Variants in ZNF487 observed in about 807,000 individuals in gnomAD.
ZNF487 encodes KRAB domain only 1.
ZNF487 carries 4 observed loss-of-function variants against 3.0 expected under a neutral mutation model. The observed-to-expected ratio is 1.35, with a 90% confidence interval of 0.66 to 3.08. The LOEUF is 3.08. Among genes scored for constraint, ZNF487 ranks in the 30% most tolerant of loss-of-function variants. The pLI is 0.01. For missense variants in ZNF487, 146 were observed against 98.7 expected (o/e 1.48, Z -2.03); for synonymous variants, 55 against 34.6 (o/e 1.59, Z -2.06).
chr10:43,495,503 C>T, the ZNF487 span, among the ~76,000 whole-genome samples: 17 of 152,218 alleles, frequency 1.1e-4, no homozygotes, highest in African/African-American at 3.1e-4. Context: ...CTGGGGCTCT[C>T]AATGTGTTGG....
At chr10:43,440,640 A>AGAGT (rs1015462325) in intron 1 of ZNF487, among the ~76,000 whole-genome samples, 3 of 151,652 alleles carry the variant, frequency 2.0e-5, no homozygotes, top group Admixed American at 6.6e-5. Flanking sequence ...CCTGGGCAAC[A>AGAGT]GAGTGAGACT....
At chr10:43,472,516 C>T (rs982116862) in intron 1 of ZNF487, among the ~76,000 whole-genome samples, 1 of 152,136 alleles carries the variant, frequency 6.6e-6, no homozygotes, top group Non-Finnish European at 1.5e-5. Flanking sequence ...AGCAGTCTTG[C>T]TGCTGCTCAG....
intron 1 of ZNF487, among the ~76,000 whole-genome samples, chr10:43,443,922 G>T (rs1839711768): frequency 6.8e-6 from 1 of 147,646 alleles, no homozygotes; most frequent in South Asian, 2.1e-4. Flanking sequence ...GCGTGATCTT[G>T]GCTCACTGCA....
intron 1 of ZNF487, among the ~76,000 whole-genome samples, chr10:43,456,098 G>A (rs1333999284): frequency 1.3e-5 from 2 of 152,222 alleles, no homozygotes; most frequent in African/African-American, 4.8e-5. Context: ...ACTTCATAAT[G>A]GAGGGCTGCG....
chr10:43,439,589 A>G (rs9422365), intron 1 of ZNF487, among the ~76,000 whole-genome samples: 135,753 of 152,002 alleles, frequency 0.89, 60,678 homozygotes, highest in East Asian at 1. Flanking sequence ...TGTAATCCCA[A>G]CTACTCAGGA....
At chr10:43,467,308 G>T (rs1016073138) in intron 1 of ZNF487, among the ~76,000 whole-genome samples, 1 of 151,958 alleles carries the variant, frequency 6.6e-6, no homozygotes, top group African/African-American at 2.4e-5. Flanking sequence ...GGGTTCAAGT[G>T]ATTCTTCTGC....
chr10:43,469,533 G>A (rs1057450980), intron 1 of ZNF487, among the ~76,000 whole-genome samples: 1 of 151,760 alleles, frequency 6.6e-6, no homozygotes, highest in Non-Finnish European at 1.5e-5. Context: ...TAAGAGACAG[G>A]GTCCCTTATG....
chr10:43,485,022 G>T (rs981734784), downstream of ZNF487, among the ~76,000 whole-genome samples: 11 of 152,170 alleles, frequency 7.2e-5, no homozygotes, highest in African/African-American at 2.7e-4. Flanking sequence ...TTGTTCAAAT[G>T]GTCTCTTCTG....
chr10:43,516,619 A>T, the ZNF487 span, among the ~76,000 whole-genome samples: 1 of 152,312 alleles, frequency 6.6e-6, no homozygotes, highest in East Asian at 1.9e-4. Flanking sequence ...CTGATGTTTG[A>T]GGGCAGGAAG....
At chr10:43,451,465 G>A (rs1476486953) in intron 1 of ZNF487, among the ~76,000 whole-genome samples, 1 of 151,052 alleles carries the variant, frequency 6.6e-6, no homozygotes, top group Non-Finnish European at 1.5e-5. Context: ...GGCTGGTCTC[G>A]AAGTCCTGAT....
At chr10:43,451,889 A>G (rs537051288) in intron 1 of ZNF487, 1 of 152,372 alleles carries the variant, frequency 6.6e-6, no homozygotes, top group East Asian at 1.9e-4. Flanking sequence ...TTATGGGAGC[A>G]CTTGCAAAGC....
At chr10:43,476,634 G>A (rs1841110456) in intron 3 of ZNF487, among the ~76,000 whole-genome samples, 1 of 152,182 alleles carries the variant, frequency 6.6e-6, no homozygotes, top group South Asian at 2.1e-4. Context: ...GATGTAGTGT[G>A]TGCTTTATGC....
At chr10:43,511,770 C>T in the ZNF487 span, among the ~76,000 whole-genome samples, 1 of 152,172 alleles carries the variant, frequency 6.6e-6, no homozygotes, top group African/African-American at 2.4e-5. Flanking sequence ...TGAGTGCTGT[C>T]CACGGAACGG....
At chr10:43,466,485 C>G (rs567083882) in intron 1 of ZNF487, among the ~76,000 whole-genome samples, 1 of 151,424 alleles carries the variant, frequency 6.6e-6, no homozygotes, top group South Asian at 2.1e-4. Flanking sequence ...TCACTGCAAC[C>G]TCCGCCTCCT....
chr10:43,493,883 A>G, the ZNF487 span, among the ~76,000 whole-genome samples: 2 of 150,866 alleles, frequency 1.3e-5, no homozygotes, highest in African/African-American at 4.9e-5. Context: ...AAGCTAAAAT[A>G]GGCCAGGCGC....
chr10:43,505,064 A>G, the ZNF487 span, among the ~76,000 whole-genome samples: 1 of 151,990 alleles, frequency 6.6e-6, no homozygotes, highest in African/African-American at 2.4e-5. Context: ...GCTGGAGTGC[A>G]GTGGCTATTC....
the ZNF487 span, among the ~76,000 whole-genome samples, chr10:43,516,854 G>A: frequency 1.2e-4 from 18 of 152,182 alleles, 1 homozygote; most frequent in South Asian, 1.7e-3. Context: ...CAATCCAATC[G>A]TTGACACCTG....
At chr10:43,458,418 TA>T in intron 1 of ZNF487, among the ~76,000 whole-genome samples, 1 of 152,206 alleles carries the variant, frequency 6.6e-6, no homozygotes, top group East Asian at 1.9e-4. Context: ...TTTGAGTTGC[TA>T]ATTAGCCTCT....
intron 1 of ZNF487, among the ~76,000 whole-genome samples, chr10:43,444,414 A>T (rs1839728268): frequency 6.6e-6 from 1 of 152,126 alleles, no homozygotes; most frequent in Non-Finnish European, 1.5e-5. Context: ...ATTTCAGGGT[A>T]TTGAGCTTTA....
Sources: gnomAD v4.1 joint callset for allele counts (sites outside exome capture counted in the v4.1 genomes callset) on GRCh38, gnomAD v4.1.1 for gene constraint, MANE v1.5 for transcripts, NCBI Gene and HGNC (gene_info 2026-07-23, HGNC 2026-07-21) for gene names.